ZBTB16: variants seen among roughly 807,000 people sequenced by gnomAD.
ZBTB16 encodes zinc finger and BTB domain containing 16, also known as zinc finger and BTB domain-containing protein 16.
In ZBTB16, 8 loss-of-function variants were observed where a neutral mutation model predicts 56.8. The observed-to-expected ratio is 0.14, with a 90% CI of 0.08 to 0.25. The LOEUF is 0.25. Among genes scored for constraint, ZBTB16 ranks in the 10% least tolerant of loss-of-function variants. The pLI, the probability that ZBTB16 is intolerant of heterozygous loss-of-function variation, is 1.00. For synonymous variants in ZBTB16, 363 were observed against 368.5 expected, an observed-to-expected ratio of 0.98 and a Z score of 0.17; for missense variants, 625 against 903.0, an observed-to-expected ratio of 0.69 and a Z score of 3.95.
intron 5 of ZBTB16, chr11:114,246,762 T>A: frequency 4.1e-6 from 1 of 246,020 alleles, no homozygotes; most frequent in Middle Eastern, 1.6e-3. Context: ...AGAAGGTGTT[T>A]GGGGGACAAT....
At chr11:114,107,321 C>A (rs191983084) in intron 2 of ZBTB16, among the ~76,000 whole-genome samples, 2 of 152,288 alleles carry the variant, frequency 1.3e-5, no homozygotes, top group Non-Finnish European at 2.9e-5. Flanking sequence ...ACTTTTTAGA[C>A]CTTGTAATGT....
chr11:114,210,293 T>G (rs1008801274), intron 4 of ZBTB16, among the ~76,000 whole-genome samples: 5 of 152,028 alleles, frequency 3.3e-5, no homozygotes, highest in Admixed American at 1.3e-4. Context: ...CAAAAGCCGG[T>G]GGGGTGGGAC....
chr11:114,084,454 C>G (rs1939889628), intron 2 of ZBTB16, among the ~76,000 whole-genome samples: 1 of 152,204 alleles, frequency 6.6e-6, no homozygotes, highest in East Asian at 1.9e-4. Flanking sequence ...TATATCATCC[C>G]TTTTCTTGCA....
At chr11:114,227,774 GT>G (rs1321639251) in intron 4 of ZBTB16, among the ~76,000 whole-genome samples, 1 of 152,222 alleles carries the variant, frequency 6.6e-6, no homozygotes, top group African/African-American at 2.4e-5. Flanking sequence ...ATAAATACCA[GT>G]TTGGACTAGA....
chr11:114,120,806 C>T (rs551154884), intron 2 of ZBTB16, among the ~76,000 whole-genome samples: 7 of 152,186 alleles, frequency 4.6e-5, no homozygotes, highest in South Asian at 4.2e-4. Flanking sequence ...GGCCTGGAGT[C>T]GGGGTGAAGC....
chr11:114,238,230 T>C (rs1944634013), intron 4 of ZBTB16, among the ~76,000 whole-genome samples: 1 of 152,238 alleles, frequency 6.6e-6, no homozygotes, highest in Non-Finnish European at 1.5e-5. Flanking sequence ...TTCTAACCGC[T>C]TGCTGCTGCT....
At chr11:114,121,660 T>C (rs1302380315) in intron 2 of ZBTB16, among the ~76,000 whole-genome samples, 1 of 152,188 alleles carries the variant, frequency 6.6e-6, no homozygotes, top group Non-Finnish European at 1.5e-5. Context: ...AGTGGGTCAG[T>C]AATTTGCACA....
intron 2 of ZBTB16, among the ~76,000 whole-genome samples, chr11:114,065,083 T>C (rs1939061954): frequency 6.6e-6 from 1 of 152,238 alleles, no homozygotes; most frequent in African/African-American, 2.4e-5. Context: ...CTGCAGGTTC[T>C]GAACCTTATT....
Position 114,254,981 on chromosome 11 carries a change from C to T in ZBTB16, c.*4426C>T, listed in dbSNP as rs942617692. ...TCCCCGGGCCCTTGGCATCCAACTT[C>T]GCAGACAGGGTACCAGCCTCCTGGT... On this transcript the variant is annotated 3_prime_UTR_variant, in exon 7 of 7. Coordinates refer to ENST00000335953, the MANE Select transcript of ZBTB16 (RefSeq NM_006006.6). Among the ~76,000 whole-genome samples, 3 of 152,210 alleles carry T rather than the reference C, an allele frequency of 2.0e-5. No individual in the cohort carries two copies. The highest frequency in any genetic ancestry group is 2.9e-5 in the Non-Finnish European group (2 of 68,050).
At chr11:114,207,402 A>C (rs1943904696) in intron 4 of ZBTB16, among the ~76,000 whole-genome samples, 1 of 151,798 alleles carries the variant, frequency 6.6e-6, no homozygotes, top group African/African-American at 2.4e-5. Context: ...ATAAGATTAG[A>C]CTCTGCTGCG....
intron 4 of ZBTB16, among the ~76,000 whole-genome samples, chr11:114,192,696 G>A (rs1345854355): frequency 6.6e-6 from 1 of 152,184 alleles, no homozygotes; most frequent in Non-Finnish European, 1.5e-5. Context: ...GACCTGGCTA[G>A]GTTATTTTGC....
At chr11:114,172,223 A>G (rs1444983899) in intron 3 of ZBTB16, among the ~76,000 whole-genome samples, 1 of 152,246 alleles carries the variant, frequency 6.6e-6, no homozygotes, top group Non-Finnish European at 1.5e-5. Context: ...TAGCCATTCT[A>G]GTGCCCAGAT....
intron 2 of ZBTB16, among the ~76,000 whole-genome samples, chr11:114,115,592 G>T (rs1192907023): frequency 4.6e-5 from 7 of 152,124 alleles, no homozygotes; most frequent in African/African-American, 1.4e-4. Flanking sequence ...TCCCAGTGGG[G>T]TACTGGGTGT....
intron 2 of ZBTB16, among the ~76,000 whole-genome samples, chr11:114,111,156 C>CGTGTGTGTGTGTGT (rs4020003): frequency 0.013 from 1,876 of 148,948 alleles, 24 homozygotes; most frequent in Non-Finnish European, 0.017. Flanking sequence ...ATCTGTGCTG[C>CGTGTGTGTGTGTGT]GTGTGTGTGT....
At chr11:114,074,287 G>A (rs1309172956) in intron 2 of ZBTB16, among the ~76,000 whole-genome samples, 3 of 152,180 alleles carry the variant, frequency 2.0e-5, no homozygotes, top group Non-Finnish European at 4.4e-5. Context: ...CTGTTGGCAC[G>A]GCTCTCCTTG....
intron 2 of ZBTB16, among the ~76,000 whole-genome samples, chr11:114,134,901 C>T (rs1313937457): frequency 6.6e-6 from 1 of 152,156 alleles, no homozygotes; most frequent in Non-Finnish European, 1.5e-5. Flanking sequence ...AGATTAATTC[C>T]AAAGCTAAGA....
At chr11:114,231,276 T>C (rs1944437807) in intron 4 of ZBTB16, among the ~76,000 whole-genome samples, 1 of 152,170 alleles carries the variant, frequency 6.6e-6, no homozygotes, top group Admixed American at 6.5e-5. Flanking sequence ...TGTGCTCTTG[T>C]AATGAAACTG....
chr11:114,064,640 G>A lies in ZBTB16; in HGVS notation c.1268+72G>A. Reference sequence around the variant, plus strand: ...CACACCCCTCCTTCACACCCTGGCTGCTCCCAAGTTAGGGGCCTGGCTCCC... The same window carrying A: ...CACACCCCTCCTTCACACCCTGGCTACTCCCAAGTTAGGGGCCTGGCTCCC... On this transcript the variant is annotated intron_variant, in intron 2 of 6. Coordinates refer to ENST00000335953, the MANE Select transcript of ZBTB16 (RefSeq NM_006006.6). This position sits in a 1 kb window ranked among gnomAD's most constrained non-coding sequence, Gnocchi z 4.2. 2 of 1,569,280 alleles carry A rather than the reference G, an allele frequency of 1.3e-6. No homozygotes were observed. Among genetic ancestry groups the A allele is most frequent in the Admixed American group, 1.8e-5 (1 of 56,152 alleles).
At chr11:114,170,974 C>T (rs1942949437) in intron 3 of ZBTB16, among the ~76,000 whole-genome samples, 3 of 152,194 alleles carry the variant, frequency 2.0e-5, no homozygotes, top group African/African-American at 7.2e-5. Flanking sequence ...CCAGTGCCTT[C>T]ATTGGGGCCT....
Sources: gnomAD v4.1 joint callset for allele counts (sites outside exome capture counted in the v4.1 genomes callset) on GRCh38, gnomAD v4.1.1 for gene constraint, Gnocchi (gnomAD v3.1) non-coding constraint, MANE v1.5 for transcripts, NCBI Gene and HGNC (gene_info 2026-07-23, HGNC 2026-07-21) for gene names.